The following PCDHA11 variants were observed in gnomAD, a reference collection of about 807,000 sequenced individuals.
The protein encoded by PCDHA11 is protocadherin alpha-11.
In PCDHA11, 61 loss-of-function variants were observed where a neutral mutation model predicts 70.3. That is an observed-to-expected ratio of 0.87 (90% CI 0.71 to 1.07). PCDHA11 has a LOEUF of 1.07. Among genes scored for constraint, PCDHA11 ranks in the 50% least tolerant of loss-of-function variants. The pLI, the probability that PCDHA11 is intolerant of heterozygous loss-of-function variation, is 0.00. For synonymous variants in PCDHA11, 633 were observed against 555.1 expected, an observed-to-expected ratio of 1.14 and a Z score of -1.97; for missense variants, 1,324 against 1,237.5, an observed-to-expected ratio of 1.07 and a Z score of -1.05.
chr5:140,967,116 G>T, intron 1 of PCDHA11: 1 of 1,612,922 alleles, frequency 6.2e-7, no homozygotes, highest in Non-Finnish European at 8.5e-7. Flanking sequence ...CGGCCTCGCT[G>T]CCTGCTCAGC....
intron 1 of PCDHA11, among the ~76,000 whole-genome samples, chr5:140,958,824 A>T (rs1008923744): frequency 8.5e-5 from 13 of 152,158 alleles, no homozygotes; most frequent in African/African-American, 3.1e-4. Context: ...TAATTTTTAT[A>T]TCTTAAAGTT....
At chr5:140,995,608 C>G (rs543938511) in intron 3 of PCDHA11, among the ~76,000 whole-genome samples, 1 of 152,206 alleles carries the variant, frequency 6.6e-6, no homozygotes, top group East Asian at 1.9e-4. Flanking sequence ...TTTCTTCTCC[C>G]AAACCAAATA....
At chr5:140,905,135 T>G (rs2071619691) in intron 1 of PCDHA11, among the ~76,000 whole-genome samples, 1 of 152,208 alleles carries the variant, frequency 6.6e-6, no homozygotes, top group Admixed American at 6.5e-5. Context: ...GAAGAGTTTT[T>G]CTGCTGTTAT....
chr5:140,888,322 C>T (rs983342995), intron 1 of PCDHA11, among the ~76,000 whole-genome samples: 23 of 152,148 alleles, frequency 1.5e-4, no homozygotes, highest in African/African-American at 5.6e-4. Context: ...TGCCTGGATA[C>T]ATTTTTGGTT....
At chr5:140,969,963 AT>A (rs2096372822) in intron 1 of PCDHA11, among the ~76,000 whole-genome samples, 1 of 152,204 alleles carries the variant, frequency 6.6e-6, no homozygotes. Context: ...CTTTGGCTGT[AT>A]GATGTGGCAA....
At chr5:140,886,827 GAAAA>G (rs782016620) in intron 1 of PCDHA11, among the ~76,000 whole-genome samples, 16 of 60,888 alleles carry the variant, frequency 2.6e-4, no homozygotes, top group Non-Finnish European at 3.3e-4. Flanking sequence ...ACTTCGTCTT[GAAAA>G]AAAAAAAAAA....
At chr5:140,964,062 C>T (rs1257577051) in intron 1 of PCDHA11, among the ~76,000 whole-genome samples, 1 of 152,124 alleles carries the variant, frequency 6.6e-6, no homozygotes, top group Middle Eastern at 3.2e-3. Flanking sequence ...GTGGTCAAGG[C>T]ATTAGTGTTA....
At chr5:140,993,460 TCTCACA>T (rs782519654) in intron 3 of PCDHA11, among the ~76,000 whole-genome samples, 239 of 104,566 alleles carry the variant, frequency 2.3e-3, no homozygotes, top group Admixed American at 6.0e-3. Context: ...CTTCTTTCTT[TCTCACA>T]CACACACACA....
At chr5:140,973,325 A>G (rs180770098) in intron 1 of PCDHA11, among the ~76,000 whole-genome samples, 71 of 152,216 alleles carry the variant, frequency 4.7e-4, no homozygotes, top group African/African-American at 1.7e-3. Context: ...CAGAGTTTAC[A>G]CTCGTTGTAA....
intron 1 of PCDHA11, among the ~76,000 whole-genome samples, chr5:140,897,593 G>A (rs1185165472): frequency 6.6e-6 from 1 of 152,014 alleles, no homozygotes; most frequent in Non-Finnish European, 1.5e-5. Context: ...TGTCATTGTT[G>A]GACATTTGGG....
chr5:140,920,766 C>T (rs370765138), intron 1 of PCDHA11, among the ~76,000 whole-genome samples: 66 of 151,878 alleles, frequency 4.3e-4, no homozygotes, highest in African/African-American at 1.6e-3. Context: ...ATTGCTTACA[C>T]CTGGGAGGTG....
chr5:140,888,725 T>C (rs1254922405), intron 1 of PCDHA11, among the ~76,000 whole-genome samples: 2 of 152,156 alleles, frequency 1.3e-5, no homozygotes, highest in African/African-American at 4.8e-5. Flanking sequence ...TTTCCAGCCC[T>C]TTGTGAGCTC....
At chr5:140,968,673 A>G in intron 1 of PCDHA11, 2 of 1,614,168 alleles carry the variant, frequency 1.2e-6, no homozygotes, top group Non-Finnish European at 1.7e-6. Context: ...TTTAAGGTAG[A>G]GCTGCACACA....
intron 1 of PCDHA11, among the ~76,000 whole-genome samples, chr5:140,975,074 G>C (rs2096653166): frequency 1.3e-5 from 2 of 152,152 alleles, no homozygotes; most frequent in South Asian, 4.1e-4. Flanking sequence ...CATTCAGATT[G>C]TTGGCAGAAT....
chr5:140,877,121 C>A, intron 1 of PCDHA11: 1 of 1,613,694 alleles, frequency 6.2e-7, no homozygotes, highest in African/African-American at 1.3e-5. Flanking sequence ...AGCAACGTGA[C>A]GCTGCAGGTG....
At chr5:140,999,327 G>A (rs1554256745) in intron 3 of PCDHA11, among the ~76,000 whole-genome samples, 1 of 152,200 alleles carries the variant, frequency 6.6e-6, no homozygotes, top group Non-Finnish European at 1.5e-5. Context: ...ATTGATCTGT[G>A]TGATTTATAA....
intron 1 of PCDHA11, among the ~76,000 whole-genome samples, chr5:140,889,614 AT>A (rs1488109035): frequency 5.9e-5 from 9 of 151,496 alleles, no homozygotes; most frequent in Admixed American, 5.9e-4. Flanking sequence ...AATTATACTG[AT>A]TCATTTCTCT....
intron 1 of PCDHA11, among the ~76,000 whole-genome samples, chr5:140,873,578 G>A (rs1175903601): frequency 6.8e-5 from 8 of 117,146 alleles, no homozygotes; most frequent in Non-Finnish European, 1.4e-4. Flanking sequence ...GGTTGTTTAA[G>A]TATTAAGCTA....
chr5:140,965,229 C>A (rs1554227498), intron 1 of PCDHA11, among the ~76,000 whole-genome samples: 1 of 152,124 alleles, frequency 6.6e-6, no homozygotes, highest in Non-Finnish European at 1.5e-5. Context: ...AATGTGAGAA[C>A]CTGGGAAGAG....
Sources: allele counts gnomAD v4.1 joint callset (sites outside exome capture counted in the v4.1 genomes callset), GRCh38; gene constraint gnomAD v4.1.1; transcripts MANE v1.5; gene names NCBI Gene and HGNC (gene_info 2026-07-23, HGNC 2026-07-21).